The following NAALADL2 variants were observed in gnomAD, a reference collection of about 807,000 sequenced individuals.
NAALADL2 encodes the protein N-acetylated alpha-linked acidic dipeptidase like 2, also known as inactive N-acetylated-alpha-linked acidic dipeptidase-like protein 2.
Under a neutral mutation model 87.2 loss-of-function variants are expected in NAALADL2, and 76 were observed. That is an observed-to-expected ratio of 0.87 (90% CI 0.72 to 1.05). NAALADL2 has a LOEUF of 1.05. Among genes scored for constraint, NAALADL2 ranks in the 50% least tolerant of loss-of-function variants. The pLI is 0.00. For missense variants in NAALADL2, 1,089 were observed against 945.8 expected, an observed-to-expected ratio of 1.15 and a Z score of -1.99; for synonymous variants, 354 against 331.0, an observed-to-expected ratio of 1.07 and a Z score of -0.75.
intron 9 of NAALADL2, among the ~76,000 whole-genome samples, chr3:175,574,947 C>G (rs764622832): frequency 6.6e-6 from 1 of 152,082 alleles, no homozygotes; most frequent in African/African-American, 2.4e-5. Flanking sequence ...GATTGCTATT[C>G]TTCCACGTTT....
At chr3:174,487,109 TG>T (rs1183835090) in intron 1 of NAALADL2, among the ~76,000 whole-genome samples, 8 of 152,040 alleles carry the variant, frequency 5.3e-5, no homozygotes, top group African/African-American at 1.7e-4. Flanking sequence ...GCTGTGTCTC[TG>T]GTAGCATAGA....
chr3:175,242,615 T>G (rs749382392), intron 3 of NAALADL2, among the ~76,000 whole-genome samples: 21 of 152,220 alleles, frequency 1.4e-4, no homozygotes, highest in Non-Finnish European at 2.6e-4. Flanking sequence ...AATATTAATT[T>G]GTTATTCCTT....
intron 1 of NAALADL2, among the ~76,000 whole-genome samples, chr3:175,007,243 T>C (rs9846410): frequency 0.2 from 30,424 of 151,670 alleles, 4,987 homozygotes; most frequent in African/African-American, 0.45. Flanking sequence ...TTTGGGTTAA[T>C]TAACAAGTAT....
intron 2 of NAALADL2, among the ~76,000 whole-genome samples, chr3:175,167,819 G>A (rs1050912635): frequency 2.6e-5 from 4 of 151,996 alleles, no homozygotes. Context: ...CCAAAGTGGA[G>A]CCTCCTTCTA....
At chr3:175,014,672 A>G (rs1750588727) in intron 1 of NAALADL2, among the ~76,000 whole-genome samples, 1 of 152,166 alleles carries the variant, frequency 6.6e-6, no homozygotes. Context: ...AACTCCTTCT[A>G]TTCCATTTAT....
At chr3:174,648,526 C>G (rs1724035959) in intron 2 of NAALADL2, among the ~76,000 whole-genome samples, 1 of 152,046 alleles carries the variant, frequency 6.6e-6, no homozygotes, top group African/African-American at 2.4e-5. Flanking sequence ...TGGTTCCATA[C>G]AACTCTTCCT....
At chr3:174,603,492 C>G (rs1241969070) in intron 2 of NAALADL2, among the ~76,000 whole-genome samples, 1 of 151,826 alleles carries the variant, frequency 6.6e-6, no homozygotes, top group Non-Finnish European at 1.5e-5. Flanking sequence ...TTTGGGCCTT[C>G]TCTCTTTTTT....
At chr3:175,097,613 T>C (rs1721384498) in intron 2 of NAALADL2, among the ~76,000 whole-genome samples, 1 of 152,092 alleles carries the variant, frequency 6.6e-6, no homozygotes, top group South Asian at 2.1e-4. Flanking sequence ...TTGCCAGATA[T>C]ACAGGTAATA....
At chr3:175,113,041 A>G (rs1311477663) in intron 2 of NAALADL2, among the ~76,000 whole-genome samples, 1 of 151,618 alleles carries the variant, frequency 6.6e-6, no homozygotes. Flanking sequence ...ACAAAAGATT[A>G]GTTTGTAAAA....
chr3:175,226,099 T>C (rs576284858), intron 2 of NAALADL2, among the ~76,000 whole-genome samples: 4 of 152,234 alleles, frequency 2.6e-5, no homozygotes, highest in African/African-American at 9.6e-5. Context: ...GGGACTTAAG[T>C]AGAGGGCACT....
intron 1 of NAALADL2, among the ~76,000 whole-genome samples, chr3:174,951,018 T>C (rs1411705965): frequency 2.0e-5 from 3 of 152,088 alleles, no homozygotes; most frequent in East Asian, 3.9e-4. Context: ...GCTGGTGTCA[T>C]TAGCAAACAT....
At chr3:175,392,061 T>C (rs1485044301) in intron 5 of NAALADL2, among the ~76,000 whole-genome samples, 1 of 152,202 alleles carries the variant, frequency 6.6e-6, no homozygotes, top group Non-Finnish European at 1.5e-5. Flanking sequence ...GTTCTCAAGA[T>C]CACAGTTTCT....
chr3:175,690,140 GGA>G (rs1250105411), intron 11 of NAALADL2, among the ~76,000 whole-genome samples: 1 of 151,952 alleles, frequency 6.6e-6, no homozygotes, highest in Non-Finnish European at 1.5e-5. Context: ...ATGCCACCTG[GGA>G]GAGTTTTTAT....
intron 2 of NAALADL2, among the ~76,000 whole-genome samples, chr3:175,219,308 T>G (rs940990788): frequency 6.6e-6 from 1 of 152,158 alleles, no homozygotes; most frequent in Non-Finnish European, 1.5e-5. Flanking sequence ...TGCCTCATTT[T>G]CAAATGGTTA....
chr3:175,021,921 A>G (rs143213999), intron 1 of NAALADL2, among the ~76,000 whole-genome samples: 354 of 152,190 alleles, frequency 2.3e-3, no homozygotes, highest in African/African-American at 7.1e-3. Flanking sequence ...TGTTGGAAGT[A>G]GGGCCCGGTG....
At chr3:174,628,064 T>G (rs1340324557) in intron 2 of NAALADL2, among the ~76,000 whole-genome samples, 1 of 152,220 alleles carries the variant, frequency 6.6e-6, no homozygotes. Context: ...GTAACACAAG[T>G]GTATTTGTAC....
intron 1 of NAALADL2, among the ~76,000 whole-genome samples, chr3:174,938,098 C>T (rs1737982843): frequency 6.6e-6 from 1 of 151,974 alleles, no homozygotes; most frequent in East Asian, 1.9e-4. Flanking sequence ...CACAGGGCTT[C>T]GTTGTACTGA....
chr3:174,608,349 A>T (rs1434017419), intron 2 of NAALADL2, among the ~76,000 whole-genome samples: 2 of 152,110 alleles, frequency 1.3e-5, no homozygotes, highest in Non-Finnish European at 2.9e-5. Context: ...AGACACAAAA[A>T]ACCCTTCAAA....
intron 13 of NAALADL2, among the ~76,000 whole-genome samples, chr3:175,786,716 C>T (rs1021243713): frequency 3.2e-4 from 48 of 152,346 alleles, no homozygotes; most frequent in African/African-American, 1.1e-3. Context: ...AGTCATTCTC[C>T]ATCCAGCTTT....
Sources: allele counts gnomAD v4.1 joint callset (sites outside exome capture counted in the v4.1 genomes callset), GRCh38; gene constraint gnomAD v4.1.1; transcripts MANE v1.5; gene names NCBI Gene and HGNC (gene_info 2026-07-23, HGNC 2026-07-21).